Variants in ARMC8 observed in about 807,000 individuals in gnomAD.
ARMC8 encodes the protein armadillo repeat containing 8, also known as armadillo repeat-containing protein 8.
In ARMC8, 20 loss-of-function variants were observed where a neutral mutation model predicts 99.3. That is an observed-to-expected ratio of 0.20 (90% CI 0.14 to 0.29). The LOEUF (loss-of-function observed/expected upper bound fraction) is 0.29, where lower values mean the gene tolerates loss of function less well. Ranked by LOEUF, ARMC8 falls within the 10% of genes least tolerant of loss-of-function variation. The probability of loss-of-function intolerance (pLI) is 1.00; values close to 1 mark genes in which losing one functional copy is unlikely to be tolerated. For missense variants in ARMC8, 569 were observed against 809.5 expected (o/e 0.70, Z 3.60); for synonymous variants, 263 against 278.3 (o/e 0.95, Z 0.55).
intron 1 of ARMC8, among the ~76,000 whole-genome samples, chr3:138,194,073 C>A (rs141255267): frequency 6.7e-6 from 1 of 149,444 alleles, no homozygotes; most frequent in Admixed American, 6.7e-5. Context: ...GACGGCGTCT[C>A]GCTCTGTCTC....
chr3:138,232,475 C>T (rs2046103279), intron 6 of ARMC8, among the ~76,000 whole-genome samples: 1 of 152,050 alleles, frequency 6.6e-6, no homozygotes. Context: ...GTAAATATAA[C>T]TTAGAAAGAA....
At chr3:138,232,001 C>T (rs1274963005) in intron 6 of ARMC8, among the ~76,000 whole-genome samples, 4 of 104,670 alleles carry the variant, frequency 3.8e-5, no homozygotes, top group Non-Finnish European at 6.9e-5. Context: ...GATGGAGTCT[C>T]GCTCTGTCTT....
intron 1 of ARMC8, among the ~76,000 whole-genome samples, chr3:138,195,610 G>C (rs1351074638): frequency 6.6e-6 from 1 of 152,092 alleles, no homozygotes; most frequent in African/African-American, 2.4e-5. Context: ...ATTCTGACTT[G>C]TATGTTTTTC....
chr3:138,282,118 G>A (rs375998878), intron 18 of ARMC8, among the ~76,000 whole-genome samples: 2 of 152,166 alleles, frequency 1.3e-5, no homozygotes, highest in Admixed American at 6.5e-5. Flanking sequence ...CTGCATTTTG[G>A]TTTTGTCTTA....
At chr3:138,207,160 C>T (rs530723048) in intron 1 of ARMC8, among the ~76,000 whole-genome samples, 2 of 152,312 alleles carry the variant, frequency 1.3e-5, no homozygotes, top group Non-Finnish European at 2.9e-5. Context: ...CTTTCCTTGT[C>T]CATCCTGGTA....
chr3:138,274,566 G>A (rs777919581), intron 18 of ARMC8, 22 bp downstream of exon 18: 33 of 1,557,706 alleles, frequency 2.1e-5, no homozygotes, highest in Non-Finnish European at 2.8e-5. Flanking sequence ...CTTTCTCTTG[G>A]GGAATATTTT....
intron 1 of ARMC8, among the ~76,000 whole-genome samples, chr3:138,199,903 A>G (rs1295446709): frequency 6.6e-6 from 1 of 152,128 alleles, no homozygotes; most frequent in Non-Finnish European, 1.5e-5. Flanking sequence ...GTATTTTTTG[A>G]ACTGAGGGTT....
chr3:138,259,675 G>C (rs2047579213), intron 12 of ARMC8, among the ~76,000 whole-genome samples: 1 of 152,140 alleles, frequency 6.6e-6, no homozygotes, highest in South Asian at 2.1e-4. Context: ...GGGTCAACTT[G>C]TGCCTGAGGG....
At chr3:138,263,976 C>G (rs2048007583) in intron 13 of ARMC8, 155 bp downstream of exon 13, 1 of 949,652 alleles carries the variant, frequency 1.1e-6, no homozygotes, top group Admixed American at 2.1e-5. Context: ...AACAGAGAGC[C>G]TGGCCTCCAA....
intron 11 of ARMC8, among the ~76,000 whole-genome samples, chr3:138,244,335 T>C (rs569848814): frequency 6.6e-6 from 1 of 152,168 alleles, no homozygotes; most frequent in Non-Finnish European, 1.5e-5. Context: ...TAGAGTGCAG[T>C]GGCGCGATCT....
intron 5 of ARMC8, among the ~76,000 whole-genome samples, chr3:138,224,023 A>C (rs537642933): frequency 5.3e-4 from 77 of 144,118 alleles, no homozygotes; most frequent in African/African-American, 1.8e-3. Context: ...CAGTGGCGCG[A>C]TCTCGGCTCA....
chr3:138,287,166 C>T lies in ARMC8; in HGVS notation c.1822-1882C>T, dbSNP rs1285132575. Among the ~76,000 whole-genome samples, 3 of 152,184 alleles carry T rather than the reference C, an allele frequency of 2.0e-5. No homozygotes were observed. In the East Asian group the frequency reaches 5.8e-4, roughly 29 times the overall value. On this transcript the variant is annotated intron_variant, in intron 19 of 21. Transcript: ENST00000469044. ...TAAAAATGTAAATCAGATCTTGTCCCTCCACTGTTTAAATCTTTCAGGGGC... is the reference window on the plus strand; with the variant it reads ...TAAAAATGTAAATCAGATCTTGTCCTTCCACTGTTTAAATCTTTCAGGGGC...
intron 12 of ARMC8, chr3:138,262,597 T>TA (rs748034610): frequency 0.042 from 55,802 of 1,315,900 alleles, 1 homozygote; most frequent in South Asian, 0.051. Context: ...CTGAGGAGAT[T>TA]AAAAAAAAAA....
At chr3:138,281,586 G>A (rs770637919) in intron 18 of ARMC8, among the ~76,000 whole-genome samples, 3 of 152,098 alleles carry the variant, frequency 2.0e-5, no homozygotes, top group African/African-American at 7.2e-5. Flanking sequence ...CCACCGCCCC[G>A]GCCTAATTGA....
intron 15 of ARMC8, 140 bp downstream of exon 15, chr3:138,267,381 G>T: frequency 1.0e-5 from 5 of 501,950 alleles, no homozygotes; most frequent in South Asian, 3.6e-5. Context: ...TAGCGGTAGG[G>T]GTGTGCAAAT....
At chr3:138,218,829 C>T (rs1423853730) in intron 2 of ARMC8, among the ~76,000 whole-genome samples, 3 of 152,124 alleles carry the variant, frequency 2.0e-5, no homozygotes, top group Non-Finnish European at 4.4e-5. Flanking sequence ...TTTTTCCCAA[C>T]ATTAAAAGTT....
intron 5 of ARMC8, among the ~76,000 whole-genome samples, chr3:138,226,486 T>A (rs762410228): frequency 2.6e-5 from 4 of 152,160 alleles, no homozygotes; most frequent in Non-Finnish European, 5.9e-5. Flanking sequence ...GGTTTTGCAT[T>A]TCTAACAAAT....
At position 138,241,976 on chromosome 3, in the gene ARMC8, T is replaced by C. The variant is rs1456711059; in HGVS notation, c.1031T>C (p.Ile344Thr). ...YPSSVSAITD[I>T]KRLDHDLKHA... ...AGCTCAGTGAGTGCCATCACTGATA[T>C]TAAAAGGGTATGTTATTTTCCTTTT... The change falls in exon 11 of 22, where the codon ATT becomes ACT. Residue 344 changes from isoleucine (I) to threonine (T), a missense_variant. Ile to Thr is a moderately conservative substitution (Grantham distance 89, BLOSUM62 -1). Around this residue, in one of 2 missense-constraint regions of ARMC8, gnomAD observed 227 missense variants for 417.9 expected, o/e 0.54. Transcript: ENST00000469044. 3.7e-6 allele frequency: 6 copies of C among 1,613,726 alleles called. No individual in the cohort carries two copies. The highest frequency in any genetic ancestry group is 5.1e-6 in the Non-Finnish European group (6 of 1,179,760).
intron 12 of ARMC8, among the ~76,000 whole-genome samples, chr3:138,256,573 G>A (rs1015851367): frequency 6.6e-6 from 1 of 151,888 alleles, no homozygotes; most frequent in Non-Finnish European, 1.5e-5. Context: ...ACAGCGCCTG[G>A]CTAATTTTTT....
Sources: gnomAD v4.1 joint callset for allele counts (sites outside exome capture counted in the v4.1 genomes callset) on GRCh38, gnomAD v4.1.1 for gene constraint, gnomAD v4.1.1 regional missense constraint, MANE v1.5 for transcripts, NCBI Gene and HGNC (gene_info 2026-07-23, HGNC 2026-07-21) for gene names.